The following DNASE1 variants were observed in gnomAD, a reference collection of about 807,000 sequenced individuals.
DNASE1 encodes deoxyribonuclease-1.
Under a neutral mutation model 33.9 loss-of-function variants are expected in DNASE1, and 40 were observed. That is an observed-to-expected ratio of 1.18 (90% confidence interval 0.92 to 1.54). The LOEUF is 1.54. Among genes scored for constraint, DNASE1 ranks in the 40% most tolerant of loss-of-function variants. The pLI, the probability that DNASE1 is intolerant of heterozygous loss-of-function variation, is 0.00. For missense variants in DNASE1, 518 were observed against 372.6 expected (o/e 1.39, Z -3.21); for synonymous variants, 216 against 160.0 (o/e 1.35, Z -2.64).
chr16:3,615,054 A>G (rs2041051321), intron 1 of DNASE1, among the ~76,000 whole-genome samples: 3 of 151,918 alleles, frequency 2.0e-5, no homozygotes, highest in Admixed American at 1.3e-4. Flanking sequence ...TCTCAACTGA[A>G]TCACCTGTGG....
upstream of DNASE1, among the ~76,000 whole-genome samples, chr16:3,641,649 G>C (rs558368944): frequency 9.2e-5 from 14 of 152,224 alleles, no homozygotes; most frequent in Non-Finnish European, 1.8e-4. Context: ...CTTTCTGCAC[G>C]TGTCGCGGCC....
At chr16:3,658,303 G>A, downstream of DNASE1, 5 of 1,245,440 alleles carry the variant, frequency 4.0e-6, no homozygotes, top group Non-Finnish European at 5.8e-6. Context: ...TTGAGACAGA[G>A]TCTCACTGTT....
At chr16:3,645,386 C>T (rs1187118463) in intron 1 of DNASE1, among the ~76,000 whole-genome samples, 1 of 152,226 alleles carries the variant, frequency 6.6e-6, no homozygotes, top group African/African-American at 2.4e-5. Flanking sequence ...CACTGGAGTC[C>T]AGTTGCAGTT....
At chr16:3,653,842 C>G (rs528736940), upstream of DNASE1, 49 of 83,670 alleles carry the variant, frequency 5.9e-4, no homozygotes, top group African/African-American at 2.5e-3. Context: ...AAAAAAAAAA[C>G]TGAGCATGGT....
intron 1 of DNASE1, among the ~76,000 whole-genome samples, chr16:3,630,235 C>G (rs1014383907): frequency 3.3e-5 from 5 of 151,992 alleles, no homozygotes; most frequent in African/African-American, 7.3e-5. Context: ...GACTGGAGTG[C>G]AGTTGCGTGA....
chr16:3,655,539 C>A lies in DNASE1; in HGVS notation c.147+19C>A, dbSNP rs1413477763. 2 of 1,613,800 alleles carry A rather than the reference C, an allele frequency of 1.2e-6. No individual in the cohort carries two copies. The highest frequency in any genetic ancestry group is 1.7e-6 in the Non-Finnish European group (2 of 1,179,992). ...TGTGCAGGTGAGGCCAGGGCAGCCT[C>A]CCCCCAAAAGCAGAGGAGCTCTGGA... On this transcript the variant is annotated intron_variant, in intron 2 of 8. Transcript: ENST00000246949.
chr16:3,629,270 G>T (rs527560052), intron 1 of DNASE1, among the ~76,000 whole-genome samples: 4 of 151,568 alleles, frequency 2.6e-5, no homozygotes, highest in African/African-American at 9.7e-5. Context: ...TCCCTTGTAC[G>T]TTTAGTTTGT....
intron 1 of DNASE1, among the ~76,000 whole-genome samples, chr16:3,619,550 A>G (rs1359959291): frequency 6.7e-6 from 1 of 149,034 alleles, no homozygotes; most frequent in Non-Finnish European, 1.5e-5. Context: ...TTTAGTAGAG[A>G]CAGGGTTTCA....
intron 2 of DNASE1, 133 bp from the exon 3 acceptor site, chr16:3,655,716 A>G: frequency 7.2e-7 from 1 of 1,392,516 alleles, no homozygotes; most frequent in Non-Finnish European, 1.0e-6. Flanking sequence ...TGGCAGCAGG[A>G]GCCCAGGCAG....
chr16:3,653,832 A>C (rs967786328), upstream of DNASE1: 9 of 147,852 alleles, frequency 6.1e-5, no homozygotes, highest in East Asian at 3.9e-4. Context: ...AAAAAAAAAA[A>C]AAAAAAAAAC....
intron 1 of DNASE1, among the ~76,000 whole-genome samples, chr16:3,612,766 A>G (rs1419154649): frequency 6.6e-6 from 1 of 152,144 alleles, no homozygotes; most frequent in Non-Finnish European, 1.5e-5. Context: ...AAGGACACCC[A>G]TTAGGAGGCT....
upstream of DNASE1, chr16:3,640,907 G>C (rs1013170594): frequency 2.5e-6 from 1 of 398,574 alleles, no homozygotes; most frequent in Middle Eastern, 6.3e-4. Flanking sequence ...TCACCCATGA[G>C]CTCTCAAGGG....
upstream of DNASE1, chr16:3,652,726 T>G (rs753954872): frequency 6.6e-6 from 1 of 152,390 alleles, no homozygotes; most frequent in Non-Finnish European, 1.5e-5. Context: ...CCTTCCTGTT[T>G]CTAGTCCCCA....
chr16:3,660,622 G>A (rs1335686607), downstream of DNASE1: 1 of 152,252 alleles, frequency 6.6e-6, no homozygotes, highest in Non-Finnish European at 1.5e-5. Flanking sequence ...TGGCGCTGCT[G>A]TGCACTGACA....
chr16:3,660,180 G>C (rs373429953), downstream of DNASE1: 1 of 152,182 alleles, frequency 6.6e-6, no homozygotes, highest in Non-Finnish European at 1.5e-5. Flanking sequence ...GTTCCCCCTT[G>C]GAAGCCCACG....
At chr16:3,663,340 C>A in exon 10 of DNASE1, 1 of 1,569,358 alleles carries the variant, frequency 6.4e-7, no homozygotes. Flanking sequence ...TGACGAAAAC[C>A]CAAAGGAAGC....
At chr16:3,662,069 G>A (rs936560783), downstream of DNASE1, 2 of 1,613,348 alleles carry the variant, frequency 1.2e-6, no homozygotes, top group Admixed American at 1.7e-5. Flanking sequence ...CGCAGGAAGT[G>A]GCGGGCAGCC....
downstream of DNASE1, chr16:3,659,576 A>C (rs745797118): frequency 6.6e-6 from 1 of 152,176 alleles, no homozygotes; most frequent in Non-Finnish European, 1.5e-5. Flanking sequence ...TAACCTTAAC[A>C]TGAATATTAT....
chr16:3,644,432 G>A (rs1331455479), intron 1 of DNASE1, among the ~76,000 whole-genome samples: 3 of 151,992 alleles, frequency 2.0e-5, no homozygotes, highest in South Asian at 2.1e-4. Flanking sequence ...GTGTGGTGGC[G>A]GGTACCTGTA....
Sources: allele counts gnomAD v4.1 joint callset (sites outside exome capture counted in the v4.1 genomes callset), GRCh38; gene constraint gnomAD v4.1.1; transcripts MANE v1.5; gene names NCBI Gene and HGNC (gene_info 2026-07-23, HGNC 2026-07-21).